Variants in CFAP97 observed in about 807,000 individuals in gnomAD.
CFAP97 encodes the protein cilia and flagella associated protein 97, also known as cilia- and flagella-associated protein 97.
A neutral mutation model predicts 43.1 loss-of-function variants in CFAP97; 36 were observed. That is an observed-to-expected ratio of 0.84 (90% CI 0.64 to 1.10). CFAP97 has a LOEUF of 1.10. Ranked by LOEUF, CFAP97 falls within the 50% of genes least tolerant of loss-of-function variation. CFAP97 has a pLI of 0.00. For synonymous variants in CFAP97, 228 were observed against 225.7 expected (o/e 1.01, Z -0.09); for missense variants, 657 against 620.3 (o/e 1.06, Z -0.63).
intron 2 of CFAP97, among the ~76,000 whole-genome samples, chr4:185,178,579 C>G (rs1307350108): frequency 6.6e-6 from 1 of 152,020 alleles, no homozygotes; most frequent in Non-Finnish European, 1.5e-5. Flanking sequence ...CAGCATGAAG[C>G]AAATTTTCTA....
Position 185,190,808 on chromosome 4 carries a change from T to C in CFAP97, c.389A>G (p.Asp130Gly), listed in dbSNP as rs1375625537. ...GCTTTCCTCTCCATCTGTGTAGTAA[T>C]CATCTTCACCTTCTTTTACAATTTT... ...IPKIVKEGED[D>G]YYTDGEESSD... The change falls in exon 2 of 5, where the codon GAT (aspartate) becomes GGT (glycine). Residue 130 changes from aspartate (D) to glycine (G), a missense_variant. Transcript: ENST00000458385. 1 of 1,608,492 alleles carries C rather than the reference T, an allele frequency of 6.2e-7. No individual in the cohort carries two copies. Among genetic ancestry groups the C allele is most frequent in the Admixed American group, 1.7e-5 (1 of 59,048 alleles).
intron 2 of CFAP97, among the ~76,000 whole-genome samples, chr4:185,186,273 A>AAATACAAAAATTAGC (rs1416804486): frequency 6.6e-6 from 1 of 152,134 alleles, no homozygotes; most frequent in Non-Finnish European, 1.5e-5. Flanking sequence ...TCTCTACTAA[A>AAATACAAAAATTAGC]AATACAAAAA....
chr4:185,180,126 CCTATA>C (rs1388948714), intron 2 of CFAP97, among the ~76,000 whole-genome samples: 3 of 152,028 alleles, frequency 2.0e-5, no homozygotes, highest in South Asian at 4.1e-4. Context: ...TTTCATTCTT[CCTATA>C]CTATTTTAAA....
chr4:185,181,320 CTTTT>C (rs778362979), intron 2 of CFAP97, among the ~76,000 whole-genome samples: 1 of 99,182 alleles, frequency 1.0e-5, no homozygotes, highest in African/African-American at 3.7e-5. Context: ...CATAATCATA[CTTTT>C]TTTTTTTTTT....
chr4:185,175,219 T>C (rs920426922), intron 3 of CFAP97, among the ~76,000 whole-genome samples: 2 of 151,880 alleles, frequency 1.3e-5, no homozygotes, highest in African/African-American at 4.8e-5. Flanking sequence ...GCTTTCAGTA[T>C]TTTCCTTTAA....
intron 3 of CFAP97, among the ~76,000 whole-genome samples, chr4:185,166,064 G>A (rs921252717): frequency 6.6e-6 from 1 of 152,100 alleles, no homozygotes; most frequent in Admixed American, 6.6e-5. Context: ...TATTCCTTCT[G>A]CGTGAAGTGC....
chr4:185,169,845 T>G, intron 3 of CFAP97: 1 of 985,594 alleles, frequency 1.0e-6, no homozygotes, highest in South Asian at 4.7e-5. Context: ...ATCATTAGCT[T>G]GCTTTCTTCA....
At position 185,190,637 on chromosome 4, in the gene CFAP97, T is replaced by C. The variant is rs1736200961; in HGVS notation, c.560A>G (p.Asp187Gly). The C allele has an allele frequency of 1.3e-6, 2 of 1,592,624 alleles. No individual in the cohort carries two copies. Among genetic ancestry groups the C allele is most frequent in the African/African-American group, 2.7e-5 (2 of 74,718 alleles). The part of the protein sequence containing the change: ...LSSSSSGSGT[D>G]CLDAGSDSHL... Reference sequence around the variant, plus strand: ...GCTATCAGACCCTGCATCTAAACAATCTGTACCTGAACCTGAAGATGAGGA... The same window carrying C: ...GCTATCAGACCCTGCATCTAAACAACCTGTACCTGAACCTGAAGATGAGGA... The change falls in exon 2 of 5, where the codon GAT (aspartate) becomes GGT (glycine). Residue 187 changes from aspartate (D) to glycine (G), a missense_variant. Physicochemically the swap from Asp to Gly is moderately conservative, Grantham distance 94. Transcript: ENST00000458385.
At position 185,190,384 on chromosome 4, in the gene CFAP97, C is replaced by T. The variant is rs764883884; in HGVS notation, c.813G>A (p.Leu271=). 6.8e-6 allele frequency: 11 copies of T among 1,611,244 alleles called. No homozygotes were observed. The African/African-American group carries it at 1.2e-4, about 18-fold the overall frequency. Residue 271 remains leucine (L), a synonymous_variant, in exon 2 of 5, where the codon CTG becomes CTA. Transcript: ENST00000458385. ...PDISPLQSFE[L]GIANDQKVKI... is the part of the protein sequence containing the mutation. ...TCACTTTTTGATCATTTGCTATGCC[C>T]AGTTCAAAAGACTGAAGAGGGCTAA...
rs543104268 is a variant in CFAP97 at position 185,193,353 on chromosome 4, T to A, written c.-16-2141A>T. 2.0e-5 allele frequency among the ~76,000 whole-genome samples: 3 copies of A among 152,152 alleles called. No individual in the cohort carries two copies. In the East Asian group the frequency reaches 5.8e-4, roughly 29 times the overall value. On this transcript the variant is annotated intron_variant, in intron 1 of 4. Transcript: ENST00000458385. The stretch of plus-strand genomic sequence containing the variant: ...GTGACAATAAAATAATTTCCAATAA[T>A]AAAACAGCAAAAGGCCAGGCACGGT...
intron 1 of CFAP97, among the ~76,000 whole-genome samples, chr4:185,194,100 C>T (rs998301999): frequency 6.6e-6 from 1 of 152,082 alleles, no homozygotes; most frequent in Admixed American, 6.6e-5. Flanking sequence ...GTATTGTCTC[C>T]CCCAGCTTTC....
chr4:185,187,792 A>G (rs190087116), intron 2 of CFAP97, among the ~76,000 whole-genome samples: 14 of 151,970 alleles, frequency 9.2e-5, no homozygotes, highest in African/African-American at 2.9e-4. Context: ...GAGCCTAGGC[A>G]TCAGTATTTG....
In CFAP97 at chr4:185,191,118, A is replaced by C; in HGVS notation, c.79T>G (p.Cys27Gly). 6.2e-7 allele frequency: 1 copy of C among 1,611,756 alleles called. No homozygotes were observed. The highest frequency in any genetic ancestry group is 8.5e-7 in the Non-Finnish European group (1 of 1,179,408). ...FDSDFEEGKK[C>G]ETNSVFDKQN... ...TTGTCAAAAACTGAGTTAGTTTCAC[A>C]TTTCTTTCCTTCTTCAAAGTCACTG... Residue 27 changes from cysteine to glycine, a missense_variant, in exon 2 of 5, where the codon TGT becomes GGT. Physicochemically the swap from Cys to Gly is radical, Grantham distance 159. Coordinates refer to ENST00000458385, the MANE Select transcript of CFAP97 (RefSeq NM_020827.3).
At chr4:185,198,035 A>G (rs959788430) in intron 1 of CFAP97, among the ~76,000 whole-genome samples, 1 of 152,204 alleles carries the variant, frequency 6.6e-6, no homozygotes. Context: ...CCCTAAGCCA[A>G]AGCCTAGTCC....
rs140862963 is a variant in CFAP97, at chr4:185,195,942, C to G, written c.-16-4730G>C. ...ACCCCACAGTGTAATGGTGAGCACTCTGGACTCTAAAAAGAACTGTGGTTG... is the reference window on the plus strand; with the variant it reads ...ACCCCACAGTGTAATGGTGAGCACTGTGGACTCTAAAAAGAACTGTGGTTG... On this transcript the variant is annotated intron_variant, in intron 1 of 4. Transcript: ENST00000458385. Among the ~76,000 whole-genome samples, 8 of 152,278 alleles carry G rather than the reference C, an allele frequency of 5.3e-5. No individual in the cohort carries two copies. The East Asian group carries it at 1.5e-3, about 29-fold the overall frequency.
intron 3 of CFAP97, chr4:185,168,886 C>A (rs1263888591): frequency 6.6e-6 from 1 of 151,084 alleles, no homozygotes; most frequent in Non-Finnish European, 1.5e-5. Context: ...GCACTCCAGC[C>A]TGGGCAACAA....
At position 185,190,130 on chromosome 4, in the gene CFAP97, A is replaced by G; in HGVS notation, c.1054+13T>C. The G allele has an allele frequency of 6.6e-7, 1 of 1,526,290 alleles. No individual in the cohort carries two copies. The highest frequency in any genetic ancestry group is 8.8e-7 in the Non-Finnish European group (1 of 1,133,274). The allele number at this position is 1,526,290 out of a possible 1,614,324, so 94.5% of individuals were successfully genotyped here. A position where few individuals can be genotyped will look rare whatever the true frequency, so the allele number is the denominator to read the frequency against. On this transcript the variant is annotated intron_variant, in intron 2 of 4. Transcript: ENST00000458385. ...TATTTAAACACACATTTTTAAGAAG[A>G]AAAGAAAATTACCTTTCAAGAGATG... is the stretch of plus-strand genomic sequence containing the variant.
rs768665757 is a variant in CFAP97 at position 185,191,110 on chromosome 4, A to C, written c.87T>G (p.Thr29=). Residue 29 remains threonine (T), a synonymous_variant, in exon 2 of 5, where the codon ACT becomes ACG. Coordinates refer to ENST00000458385, the MANE Select transcript of CFAP97 (RefSeq NM_020827.3). ...SDFEEGKKCE[T]NSVFDKQNDD... Reference sequence around the variant, plus strand: ...CATTTTGCTTGTCAAAAACTGAGTTAGTTTCACATTTCTTTCCTTCTTCAA... The same window carrying C: ...CATTTTGCTTGTCAAAAACTGAGTTCGTTTCACATTTCTTTCCTTCTTCAA... The C allele has an allele frequency of 2.5e-6, 4 of 1,612,384 alleles. No individual in the cohort carries two copies. Among genetic ancestry groups the C allele is most frequent in the Non-Finnish European group, 3.4e-6 (4 of 1,179,564 alleles).
At chr4:185,169,946 T>C in intron 3 of CFAP97, 1 of 1,013,372 alleles carries the variant, frequency 9.9e-7, no homozygotes, top group Non-Finnish European at 1.2e-6. Flanking sequence ...ACAAAAGTAC[T>C]GTTAATCAAC....
Sources: allele counts gnomAD v4.1 joint callset (sites outside exome capture counted in the v4.1 genomes callset), GRCh38; gene constraint gnomAD v4.1.1; transcripts MANE v1.5; gene names NCBI Gene and HGNC (gene_info 2026-07-23, HGNC 2026-07-21).